Variants in OTUD7A observed in about 807,000 individuals in gnomAD.
OTUD7A encodes the protein OTU domain-containing protein 7A.
OTUD7A carries 12 observed loss-of-function variants against 65.7 expected under a neutral mutation model. The observed-to-expected ratio is 0.18, with a 90% CI of 0.12 to 0.30. OTUD7A has a LOEUF of 0.30. Ranked by LOEUF, OTUD7A falls within the 10% of genes least tolerant of loss-of-function variation. OTUD7A has a pLI of 1.00. For synonymous variants in OTUD7A, 641 were observed against 586.3 expected (o/e 1.09, Z -1.35); for missense variants, 1,148 against 1,304.8 (o/e 0.88, Z 1.85).
intron 1 of OTUD7A, among the ~76,000 whole-genome samples, chr15:31,713,184 T>A (rs992090233): frequency 6.6e-6 from 1 of 152,182 alleles, no homozygotes; most frequent in Non-Finnish European, 1.5e-5. Flanking sequence ...ACAGTATACA[T>A]GAAAATCAAC....
intron 8 of OTUD7A, among the ~76,000 whole-genome samples, chr15:31,524,975 C>T (rs368627521): frequency 3.9e-4 from 60 of 152,152 alleles, no homozygotes; most frequent in Non-Finnish European, 6.9e-4. Flanking sequence ...AGACCTTGGG[C>T]GAAGCTCCTC....
rs974157407 is a variant in OTUD7A at position 31,530,828 on chromosome 15, T to C, written c.551-20A>G. 3.7e-6 allele frequency: 6 copies of C among 1,606,186 alleles called. No homozygotes were observed. The highest frequency in any genetic ancestry group is 3.4e-5 in the Admixed American group (2 of 59,336). ...GGCGACCTGGAAAAGAAGCTCACTT[T>C]AGAACAGGATCCCAGAAAAGGAAGG... On this transcript the variant is annotated intron_variant, in intron 5 of 12. Transcript: ENST00000307050.
At position 31,800,741 on chromosome 15, in the gene OTUD7A, TCA is replaced by T. The variant is rs147270352; in HGVS notation, c.-100+69764_-100+69765del. On this transcript the variant is annotated intron_variant, in intron 1 of 12. Transcript: ENST00000307050. ...CAGGGAAGGTGATACTGCACCTAGT[TCA>T]CAGTGGAGGAGAAGCAGCCCCAGCG... Among the ~76,000 whole-genome samples, 7 of 152,312 alleles carry T rather than the reference TCA, an allele frequency of 4.6e-5. No homozygotes were observed. In the East Asian group the frequency reaches 9.6e-4, roughly 21 times the overall value.
chr15:31,631,044 T>C (rs1891132841), intron 3 of OTUD7A, among the ~76,000 whole-genome samples: 1 of 152,294 alleles, frequency 6.6e-6, no homozygotes, highest in South Asian at 2.1e-4. Context: ...TTTATCCAAT[T>C]TGCCAGTCTG....
rs375888532 is a variant in OTUD7A, at chr15:31,514,057, CTT to C, written c.894-10241_894-10240del. On this transcript the variant is annotated intron_variant, in intron 8 of 12. Transcript: ENST00000307050. ...TTTTCTTTTCTTTCTTTCTTTCTTT[CTT>C]TTTTTTTTTTTTGAGACAGGGTCTT... Among the ~76,000 whole-genome samples the C allele has an allele frequency of 6.1e-4, 14 of 23,078 alleles. 1 individual carries two copies. In the East Asian group the frequency reaches 0.014, roughly 24 times the overall value. The allele number at this position is 23,078 out of a possible 152,430, so 15.1% of individuals were successfully genotyped here. A position where few individuals can be genotyped will look rare whatever the true frequency, so the allele number is the denominator to read the frequency against.
At chr15:31,547,029 T>C (rs190946090) in intron 5 of OTUD7A, among the ~76,000 whole-genome samples, 1 of 116,612 alleles carries the variant, frequency 8.6e-6, no homozygotes, top group East Asian at 3.1e-4. Flanking sequence ...CACATGTACA[T>C]TTCAATAAGG....
chr15:31,586,652 C>T (rs115680454), intron 3 of OTUD7A, among the ~76,000 whole-genome samples: 4 of 152,274 alleles, frequency 2.6e-5, no homozygotes, highest in Admixed American at 6.5e-5. Flanking sequence ...AAAAACAACA[C>T]GATTGGCCCA....
At chr15:31,771,791 C>G (rs1392344229) in intron 1 of OTUD7A, among the ~76,000 whole-genome samples, 2 of 152,168 alleles carry the variant, frequency 1.3e-5, no homozygotes, top group Non-Finnish European at 2.9e-5. Context: ...CCTCTTCAGC[C>G]TCTCCCATGG....
Position 31,482,533 on chromosome 15 carries a change from T to C in OTUD7A, c.*761A>G, listed in dbSNP as rs1021016401. ...GATGGGAACCCTGCTTTTTGGACCC[T>C]AGGTGTCTTTGGAAAGCTCCTGTCA... On this transcript the variant is annotated 3_prime_UTR_variant, in exon 13 of 13. Transcript: ENST00000307050. 1 of 152,330 alleles carries C rather than the reference T, an allele frequency of 6.6e-6. No homozygotes were observed. The highest frequency in any genetic ancestry group is 1.5e-5 in the Non-Finnish European group (1 of 68,108). 9.4% of individuals were successfully genotyped at this position (152,330 alleles called of 1,614,324 possible). A position where few individuals can be genotyped will look rare whatever the true frequency, so the allele number is the denominator to read the frequency against.
intron 3 of OTUD7A, among the ~76,000 whole-genome samples, chr15:31,633,306 C>T (rs1412151003): frequency 6.6e-6 from 1 of 152,186 alleles, no homozygotes; most frequent in Non-Finnish European, 1.5e-5. Context: ...TGATCTCTAT[C>T]TTGGAGGGAG....
Position 31,483,558 on chromosome 15 carries a change from C to T in OTUD7A, c.2538G>A (p.Gly846=), listed in dbSNP as rs1222822603. The T allele has an allele frequency of 2.3e-6, 3 of 1,306,270 alleles. No individual in the cohort carries two copies. The highest frequency in any genetic ancestry group is 2.9e-6 in the Non-Finnish European group (3 of 1,025,372). The allele number at this position is 1,306,270 out of a possible 1,614,324, so 80.9% of individuals were successfully genotyped here. ...ACTTGTGCTCGGCCGCCCCCGCCGT[C>T]CCCGCCGCGCCCGGTAGGGCCCCGG... ...AVPGALPGAA[G]TAGAAEHKSQ... Residue 846 remains glycine, a synonymous_variant, in exon 13 of 13, where the codon GGG becomes GGA. Coordinates refer to ENST00000307050, the MANE Select transcript of OTUD7A (RefSeq NM_001382637.1).
chr15:31,507,542 A>G (rs1445959550), intron 8 of OTUD7A, among the ~76,000 whole-genome samples: 3 of 152,048 alleles, frequency 2.0e-5, no homozygotes, highest in Non-Finnish European at 4.4e-5. Context: ...GGACCCAAAG[A>G]GTGAGCAGCA....
chr15:31,668,406 T>G (rs1892377473), intron 1 of OTUD7A, among the ~76,000 whole-genome samples: 2 of 152,252 alleles, frequency 1.3e-5, no homozygotes. Flanking sequence ...CTTCGAGCTC[T>G]GAATTTCTTT....
At chr15:31,555,038 C>T (rs926728163) in intron 5 of OTUD7A, among the ~76,000 whole-genome samples, 1 of 152,130 alleles carries the variant, frequency 6.6e-6, no homozygotes, top group Non-Finnish European at 1.5e-5. Flanking sequence ...GACTGGCACC[C>T]CACTTGACAC....
intron 1 of OTUD7A, among the ~76,000 whole-genome samples, chr15:31,668,075 A>G (rs1892369831): frequency 6.6e-6 from 1 of 152,130 alleles, no homozygotes; most frequent in South Asian, 2.1e-4. Context: ...AGCTCTTAAG[A>G]TTCTTTCCTT....
intron 1 of OTUD7A, among the ~76,000 whole-genome samples, chr15:31,863,347 C>T (rs1897794630): frequency 6.6e-6 from 1 of 152,192 alleles, no homozygotes; most frequent in Non-Finnish European, 1.5e-5. Context: ...GCTCTGACCC[C>T]ACATTTCTCT....
chr15:31,507,210 T>G (rs931098706), intron 8 of OTUD7A, among the ~76,000 whole-genome samples: 2 of 152,158 alleles, frequency 1.3e-5, no homozygotes, highest in African/African-American at 4.8e-5. Context: ...TTTTAAAAAT[T>G]TATGTCAAAT....
At chr15:31,678,302 C>T (rs766792562) in intron 1 of OTUD7A, among the ~76,000 whole-genome samples, 3 of 152,030 alleles carry the variant, frequency 2.0e-5, no homozygotes, top group Non-Finnish European at 4.4e-5. Flanking sequence ...CCTGACAATG[C>T]GATAGAAAAG....
Position 31,737,573 on chromosome 15 carries a change from C to T in OTUD7A, c.-99-80496G>A, listed in dbSNP as rs148927087. On this transcript the variant is annotated intron_variant, in intron 1 of 12. Transcript: ENST00000307050. Reference sequence around the variant, plus strand: ...TTTTTGGAAAGTAATCTGGAAACGGCGATTCAAGTTCAATATCTAAGAACT... The same window carrying T: ...TTTTTGGAAAGTAATCTGGAAACGGTGATTCAAGTTCAATATCTAAGAACT... Among the ~76,000 whole-genome samples, 21 of 152,180 alleles carry T rather than the reference C, an allele frequency of 1.4e-4. No individual in the cohort carries two copies. In the East Asian group the frequency reaches 1.9e-3, roughly 14 times the overall value.
Sources: gnomAD v4.1 joint callset for allele counts (sites outside exome capture counted in the v4.1 genomes callset) on GRCh38, gnomAD v4.1.1 for gene constraint, MANE v1.5 for transcripts, NCBI Gene and HGNC (gene_info 2026-07-23, HGNC 2026-07-21) for gene names.